PDE4D: variants seen among roughly 807,000 people sequenced by gnomAD.
PDE4D encodes phosphodiesterase 4D.
A neutral mutation model predicts 87.4 loss-of-function variants in PDE4D; 24 were observed. The observed-to-expected ratio is 0.27, with a 90% CI of 0.20 to 0.39. The LOEUF is 0.39. Among genes scored for constraint, PDE4D ranks in the 10% least tolerant of loss-of-function variants. The pLI is 1.00. For missense variants in PDE4D, 714 were observed against 1,041.0 expected, an observed-to-expected ratio of 0.69 and a Z score of 4.32; for synonymous variants, 384 against 383.2, an observed-to-expected ratio of 1.00 and a Z score of -0.02.
intron 2 of PDE4D, among the ~76,000 whole-genome samples, chr5:59,211,137 A>C (rs1749985513): frequency 6.6e-6 from 1 of 152,182 alleles, no homozygotes; most frequent in South Asian, 2.1e-4. Context: ...TACTGTTATA[A>C]AAAATTTTTA....
At chr5:59,748,500 A>G (rs1759954734) in intron 1 of PDE4D, among the ~76,000 whole-genome samples, 1 of 152,160 alleles carries the variant, frequency 6.6e-6, no homozygotes, top group South Asian at 2.1e-4. Context: ...CGTGCTTTGT[A>G]GGGACATGGA....
At chr5:60,372,008 T>C (rs1761069920) in intron 1 of PDE4D, among the ~76,000 whole-genome samples, 2 of 152,196 alleles carry the variant, frequency 1.3e-5, no homozygotes, top group Non-Finnish European at 2.9e-5. Flanking sequence ...GGCTATAGGA[T>C]ATTACATAGG....
intron 1 of PDE4D, among the ~76,000 whole-genome samples, chr5:59,394,978 C>T (rs370316934): frequency 1.2e-4 from 18 of 152,082 alleles, no homozygotes; most frequent in African/African-American, 4.3e-4. Flanking sequence ...ACGGATGGCA[C>T]CTGGAGAATC....
At chr5:59,716,372 T>G (rs1580640634) in intron 1 of PDE4D, among the ~76,000 whole-genome samples, 2 of 152,196 alleles carry the variant, frequency 1.3e-5, no homozygotes, top group Admixed American at 1.3e-4. Flanking sequence ...CACGTGTTTT[T>G]CCAGCTACCC....
chr5:60,427,727 G>T (rs1350293741), intron 1 of PDE4D, among the ~76,000 whole-genome samples: 1 of 152,104 alleles, frequency 6.6e-6, no homozygotes, highest in Non-Finnish European at 1.5e-5. Flanking sequence ...ACACTCTAAG[G>T]TTGGGGTTAT....
chr5:60,473,251 A>AGGAAGGAAG (rs376315932), intron 1 of PDE4D, among the ~76,000 whole-genome samples: 2 of 151,756 alleles, frequency 1.3e-5, no homozygotes, highest in Non-Finnish European at 2.9e-5. Flanking sequence ...AAGGAAAGGA[A>AGGAAGGAAG]GGAAGGAAGG....
At chr5:59,885,428 T>C (rs1750000228) in intron 1 of PDE4D, among the ~76,000 whole-genome samples, 1 of 152,194 alleles carries the variant, frequency 6.6e-6, no homozygotes, top group Non-Finnish European at 1.5e-5. Flanking sequence ...CATTTCAAAC[T>C]GCTTACTTTC....
At chr5:60,490,340 GGGC>G (rs1749465379), upstream of PDE4D, 1 of 152,098 alleles carries the variant, frequency 6.6e-6, no homozygotes, top group Non-Finnish European at 1.5e-5. Context: ...CACATAGCAG[GGGC>G]AACCTCACAC....
At chr5:59,388,486 G>A (rs935906795) in intron 1 of PDE4D, among the ~76,000 whole-genome samples, 5 of 152,030 alleles carry the variant, frequency 3.3e-5, no homozygotes, top group African/African-American at 1.2e-4. Context: ...TTCACTACTA[G>A]GTATATATCC....
chr5:59,443,836 A>T (rs887745092), intron 1 of PDE4D, among the ~76,000 whole-genome samples: 1 of 152,046 alleles, frequency 6.6e-6, no homozygotes, highest in Non-Finnish European at 1.5e-5. Context: ...CTCTCTCTTG[A>T]CCTTTTGGAT....
intron 1 of PDE4D, among the ~76,000 whole-genome samples, chr5:59,445,466 C>G (rs1200592107): frequency 6.6e-6 from 1 of 152,118 alleles, no homozygotes. Flanking sequence ...GCTGAACTGC[C>G]TGAAAATACA....
intron 2 of PDE4D, among the ~76,000 whole-genome samples, chr5:60,107,369 G>C (rs1028033937): frequency 6.6e-6 from 1 of 152,054 alleles, no homozygotes; most frequent in Non-Finnish European, 1.5e-5. Flanking sequence ...ATAATCAATA[G>C]CTTACCAACC....
chr5:60,252,399 CT>C (rs749772318), intron 1 of PDE4D, among the ~76,000 whole-genome samples: 155 of 137,358 alleles, frequency 1.1e-3, no homozygotes, highest in East Asian at 1.5e-3. Flanking sequence ...CACTTTTTTA[CT>C]TTTTTTTTTT....
chr5:60,104,313 C>T (rs192622856), intron 2 of PDE4D, among the ~76,000 whole-genome samples: 3,993 of 152,298 alleles, frequency 0.026, 72 homozygotes, highest in Non-Finnish European at 0.039. Flanking sequence ...GGGGGAGAGG[C>T]GCCCACCATT....
chr5:59,599,058 T>C (rs1827116682), intron 1 of PDE4D, among the ~76,000 whole-genome samples: 1 of 152,066 alleles, frequency 6.6e-6, no homozygotes, highest in Admixed American at 6.6e-5. Context: ...CTAGGAGGCA[T>C]AAATAATTTT....
At chr5:59,220,336 T>C (rs548451072) in intron 1 of PDE4D, among the ~76,000 whole-genome samples, 62 of 122,620 alleles carry the variant, frequency 5.1e-4, no homozygotes, top group African/African-American at 1.9e-3. Context: ...ACTGATCGTG[T>C]CACTGCACTC....
chr5:59,560,056 G>A (rs1012601181), intron 1 of PDE4D, among the ~76,000 whole-genome samples: 1 of 151,824 alleles, frequency 6.6e-6, no homozygotes, highest in African/African-American at 2.4e-5. Flanking sequence ...GCCTTGTTTT[G>A]CAATGTTTCT....
chr5:59,264,985 T>C (rs1762624877), intron 1 of PDE4D, among the ~76,000 whole-genome samples: 1 of 151,944 alleles, frequency 6.6e-6, no homozygotes, highest in South Asian at 2.1e-4. Flanking sequence ...CTTCTCAGTC[T>C]GGTCTGATAG....
intron 1 of PDE4D, among the ~76,000 whole-genome samples, chr5:59,766,035 A>G (rs1393402489): frequency 6.6e-6 from 1 of 152,260 alleles, no homozygotes; most frequent in East Asian, 1.9e-4. Flanking sequence ...AGAACACTGT[A>G]CTAGCAACAA....
Sources: gnomAD v4.1 joint callset for allele counts (sites outside exome capture counted in the v4.1 genomes callset) on GRCh38, gnomAD v4.1.1 for gene constraint, MANE v1.5 for transcripts, NCBI Gene and HGNC (gene_info 2026-07-23, HGNC 2026-07-21) for gene names.